Variants in MGAT4C observed in about 807,000 individuals in gnomAD.
MGAT4C encodes alpha-1,3-mannosyl-glycoprotein 4-beta-N-acetylglucosaminyltransferase C.
A neutral mutation model predicts 40.1 loss-of-function variants in MGAT4C; 19 were observed. That is an observed-to-expected ratio of 0.47 (90% CI 0.33 to 0.70). The LOEUF (loss-of-function observed/expected upper bound fraction) is 0.70, where lower values mean the gene tolerates loss of function less well. Among genes scored for constraint, MGAT4C ranks in the 30% least tolerant of loss-of-function variants. The probability of loss-of-function intolerance (pLI) is 0.02; values close to 1 mark genes in which losing one functional copy is unlikely to be tolerated. For missense variants in MGAT4C, 491 were observed against 563.2 expected (o/e 0.87, Z 1.30); for synonymous variants, 181 against 187.1 (o/e 0.97, Z 0.27).
chr12:86,597,513 G>A (rs1251460339), intron 2 of MGAT4C, among the ~76,000 whole-genome samples: 2 of 152,196 alleles, frequency 1.3e-5, no homozygotes, highest in East Asian at 3.9e-4. Context: ...TCAGAATCAT[G>A]TAGACTCTGT....
intron 3 of MGAT4C, among the ~76,000 whole-genome samples, chr12:86,394,301 G>C (rs1434782517): frequency 6.6e-6 from 1 of 151,602 alleles, no homozygotes; most frequent in Non-Finnish European, 1.5e-5. Context: ...AGATACCTTG[G>C]GTAAAATTGG....
chr12:86,449,028 A>T (rs1040741337), intron 2 of MGAT4C, among the ~76,000 whole-genome samples: 9 of 152,204 alleles, frequency 5.9e-5, no homozygotes, highest in Non-Finnish European at 1.2e-4. Context: ...ATCTCTTGTC[A>T]CTGAAAAGAG....
intron 1 of MGAT4C, among the ~76,000 whole-genome samples, chr12:86,123,936 GA>G (rs148444735): frequency 1.3e-5 from 2 of 151,780 alleles, no homozygotes; most frequent in African/African-American, 4.8e-5. Context: ...TGAGATGTAG[GA>G]AAAAAATAGT....
chr12:85,987,951 A>G (rs1234761395), intron 3 of MGAT4C, among the ~76,000 whole-genome samples: 1 of 152,220 alleles, frequency 6.6e-6, no homozygotes, highest in African/African-American at 2.4e-5. Flanking sequence ...AATCAAGAGA[A>G]TCTCTAGTTA....
chr12:86,105,938 G>C (rs1217815148), intron 1 of MGAT4C, among the ~76,000 whole-genome samples: 27 of 152,096 alleles, frequency 1.8e-4, no homozygotes, highest in Admixed American at 1.8e-3. Flanking sequence ...AGTGGGTTTG[G>C]GGAGTGAAAG....
At chr12:86,223,744 TG>T (rs1412064506) in intron 1 of MGAT4C, among the ~76,000 whole-genome samples, 1 of 152,210 alleles carries the variant, frequency 6.6e-6, no homozygotes, top group African/African-American at 2.4e-5. Flanking sequence ...CTAGCCCTGT[TG>T]GTGCCTGAAC....
At chr12:86,663,541 T>C (rs1964031425) in intron 2 of MGAT4C, among the ~76,000 whole-genome samples, 1 of 152,034 alleles carries the variant, frequency 6.6e-6, no homozygotes, top group Non-Finnish European at 1.5e-5. Flanking sequence ...GTTTTAAGTG[T>C]TATTGATTTT....
At chr12:86,122,434 A>C (rs1483573069) in intron 1 of MGAT4C, among the ~76,000 whole-genome samples, 1 of 152,162 alleles carries the variant, frequency 6.6e-6, no homozygotes, top group Non-Finnish European at 1.5e-5. Flanking sequence ...ATACACTTTT[A>C]GTATAATTAC....
intron 2 of MGAT4C, among the ~76,000 whole-genome samples, chr12:86,494,902 T>C (rs544726305): frequency 1.3e-5 from 2 of 152,198 alleles, no homozygotes; most frequent in East Asian, 3.9e-4. Flanking sequence ...TAAGATATGT[T>C]TGAATAACCA....
intron 1 of MGAT4C, among the ~76,000 whole-genome samples, chr12:86,061,106 C>T (rs1031144384): frequency 6.6e-6 from 1 of 152,084 alleles, no homozygotes; most frequent in Admixed American, 6.6e-5. Flanking sequence ...TCTGCAGCTC[C>T]CAGCAAGATC....
Position 86,191,449 on chromosome 12 carries a change from T to C in MGAT4C, c.-57+64790A>G. Among the ~76,000 whole-genome samples the C allele has an allele frequency of 1.3e-5, 2 of 151,862 alleles. 1 individual carries two copies. The highest frequency in any genetic ancestry group is 4.0e-4 in the East Asian group (2 of 5,056). On this transcript the variant is annotated intron_variant, in intron 1 of 4. Transcript: ENST00000611864. ...CAAGAGGAAAGGTTCTGGATGATCATGTATTTGATATTTTAGGACATTCTG... is the reference window on the plus strand; with the variant it reads ...CAAGAGGAAAGGTTCTGGATGATCACGTATTTGATATTTTAGGACATTCTG...
chr12:85,987,719 T>C (rs771290945), intron 3 of MGAT4C, among the ~76,000 whole-genome samples: 3 of 152,218 alleles, frequency 2.0e-5, no homozygotes, highest in Non-Finnish European at 2.9e-5. Flanking sequence ...AAACAGGTTC[T>C]ATTTCAAAAG....
intron 1 of MGAT4C, among the ~76,000 whole-genome samples, chr12:86,180,063 C>A (rs1190131938): frequency 6.6e-6 from 1 of 152,206 alleles, no homozygotes; most frequent in African/African-American, 2.4e-5. Flanking sequence ...GTGCTGTGTG[C>A]ACCCTTGGGA....
chr12:86,737,572 C>T (rs1368861012), intron 1 of MGAT4C, among the ~76,000 whole-genome samples: 1 of 151,244 alleles, frequency 6.6e-6, no homozygotes, highest in Non-Finnish European at 1.5e-5. Flanking sequence ...GTACCGATGC[C>T]TTTCAAATTT....
chr12:86,686,147 G>C (rs770498119), intron 2 of MGAT4C, among the ~76,000 whole-genome samples: 2 of 151,862 alleles, frequency 1.3e-5, no homozygotes, highest in Non-Finnish European at 2.9e-5. Context: ...CCAAAGTGCT[G>C]GGATTACAGG....
intron 2 of MGAT4C, among the ~76,000 whole-genome samples, chr12:86,614,686 G>A (rs1037449924): frequency 6.6e-6 from 1 of 151,524 alleles, no homozygotes; most frequent in African/African-American, 2.4e-5. Flanking sequence ...AGTTAATTAG[G>A]AAAAGGTAAA....
chr12:86,573,284 C>G (rs1960438514), intron 2 of MGAT4C, among the ~76,000 whole-genome samples: 1 of 151,884 alleles, frequency 6.6e-6, no homozygotes. Flanking sequence ...TTTTTAAACA[C>G]AGAATACAAT....
intron 1 of MGAT4C, among the ~76,000 whole-genome samples, chr12:86,175,043 T>C (rs1175856952): frequency 6.6e-6 from 1 of 152,164 alleles, no homozygotes; most frequent in East Asian, 1.9e-4. Flanking sequence ...ACAGAAATGA[T>C]TTCAATATAT....
chr12:86,403,850 A>G (rs2136238616), intron 3 of MGAT4C, among the ~76,000 whole-genome samples: 1 of 152,330 alleles, frequency 6.6e-6, no homozygotes. Context: ...TATGGCAAGG[A>G]CAGAATCTTA....
Sources: allele counts gnomAD v4.1 joint callset (sites outside exome capture counted in the v4.1 genomes callset), GRCh38; gene constraint gnomAD v4.1.1; transcripts MANE v1.5; gene names NCBI Gene and HGNC (gene_info 2026-07-23, HGNC 2026-07-21).